The following TAF3 variants were observed in gnomAD, a reference collection of about 807,000 sequenced individuals.
TAF3 encodes transcription initiation factor TFIID subunit 3.
A neutral mutation model predicts 80.6 loss-of-function variants in TAF3; 7 were observed. The observed-to-expected ratio is 0.09, with a 90% CI of 0.05 to 0.16. TAF3 has a LOEUF of 0.16. TAF3 is among the 10% of genes least tolerant of loss of function. The pLI, the probability that TAF3 is intolerant of heterozygous loss-of-function variation, is 1.00. For synonymous variants in TAF3, 444 were observed against 446.1 expected (o/e 1.00, Z 0.06); for missense variants, 921 against 1,140.2 (o/e 0.81, Z 2.77).
At chr10:7,973,861 G>C (rs1831644150) in intron 3 of TAF3, among the ~76,000 whole-genome samples, 1 of 152,132 alleles carries the variant, frequency 6.6e-6, no homozygotes, top group South Asian at 2.1e-4. Context: ...CAGGCACGGT[G>C]GCTCACGCCT....
chr10:7,930,920 T>C (rs1837862725), intron 2 of TAF3, among the ~76,000 whole-genome samples: 1 of 152,116 alleles, frequency 6.6e-6, no homozygotes, highest in Non-Finnish European at 1.5e-5. Flanking sequence ...AGGAAAAGGA[T>C]CTTTATAAGT....
chr10:7,937,431 T>C (rs1027520724), intron 2 of TAF3, among the ~76,000 whole-genome samples: 1 of 152,214 alleles, frequency 6.6e-6, no homozygotes, highest in African/African-American at 2.4e-5. Context: ...CCTAATAACA[T>C]ATAATGTGGA....
chr10:7,841,074 CTCCTGACCTCAGGTGA>C (rs1226871829), intron 2 of TAF3, among the ~76,000 whole-genome samples: 1 of 152,162 alleles, frequency 6.6e-6, no homozygotes, highest in Non-Finnish European at 1.5e-5. Flanking sequence ...TGGTCTGGAA[CTCCTGACCTCAGGTGA>C]TCCGCCCACC....
intron 4 of TAF3, among the ~76,000 whole-genome samples, chr10:7,999,458 GTT>G (rs372902098): frequency 2.3e-5 from 3 of 133,080 alleles, no homozygotes; most frequent in Non-Finnish European, 3.2e-5. Flanking sequence ...AAAGAAAGAA[GTT>G]TTTTTTTTTT....
At chr10:7,939,509 G>A (rs1269009045) in intron 2 of TAF3, among the ~76,000 whole-genome samples, 5 of 150,996 alleles carry the variant, frequency 3.3e-5, no homozygotes, top group East Asian at 3.9e-4. Flanking sequence ...AGAAATGAAA[G>A]GTATCCCACA....
rs2131092496 is a variant in TAF3, at chr10:7,818,511, A to G, written c.-199A>G. 2.0e-6 allele frequency: 1 copy of G among 500,454 alleles called. No individual in the cohort carries two copies. The highest frequency in any genetic ancestry group is 3.4e-6 in the Non-Finnish European group (1 of 290,088). 31.0% of individuals were successfully genotyped at this position (500,454 alleles called of 1,614,324 possible). ...CTCGCCCCGGCGGCCGTCCAGCGGG[A>G]GGCGGAGCGAGTCCAAAATGGCGGC... On this transcript the variant is annotated 5_prime_UTR_variant, in exon 1 of 7. Coordinates refer to ENST00000344293, the MANE Select transcript of TAF3 (RefSeq NM_031923.4).
chr10:7,826,619 C>T (rs1836744652), intron 2 of TAF3, among the ~76,000 whole-genome samples: 1 of 152,106 alleles, frequency 6.6e-6, no homozygotes, highest in African/African-American at 2.4e-5. Context: ...ATCTTGAGAA[C>T]ACTACTTTTC....
At chr10:7,828,757 G>C (rs928947862) in intron 2 of TAF3, among the ~76,000 whole-genome samples, 1 of 151,974 alleles carries the variant, frequency 6.6e-6, no homozygotes, top group African/African-American at 2.4e-5. Flanking sequence ...ATATAGGCTG[G>C]GCGCAGTGGC....
chr10:8,009,407 G>T lies in TAF3; in HGVS notation c.2568+77G>T. ...CAAGTGTGTGCTCTGAATCACTATC[G>T]AATTTCAGACGCATTTCTCTTCAAA... On this transcript the variant is annotated intron_variant, in intron 5 of 6. Transcript: ENST00000344293. This position sits in a 1 kb window ranked among gnomAD's most constrained non-coding sequence, Gnocchi z 4.1. The T allele has an allele frequency of 6.8e-7, 1 of 1,481,330 alleles. No homozygotes were observed. The highest frequency in any genetic ancestry group is 9.0e-7 in the Non-Finnish European group (1 of 1,113,890). The allele number at this position is 1,481,330 out of a possible 1,614,324, so 91.8% of individuals were successfully genotyped here.
chr10:7,912,048 G>T (rs911238294), intron 2 of TAF3, among the ~76,000 whole-genome samples: 1 of 152,076 alleles, frequency 6.6e-6, no homozygotes, highest in Non-Finnish European at 1.5e-5. Flanking sequence ...TTTACTTATT[G>T]CTTTTATGTC....
rs386740622 is a variant in TAF3 at position 7,824,303 on chromosome 10, TTCA to T, written c.167-14_167-12del. 0.19 allele frequency: 300,789 copies of T among 1,592,894 alleles called. 29,346 individuals carry two copies. The highest frequency in any genetic ancestry group is 0.26 in the South Asian group (22,904 of 88,030). On this transcript the variant is annotated splice_polypyrimidine_tract_variant and intron_variant, in intron 1 of 6. Coordinates refer to ENST00000344293, the MANE Select transcript of TAF3 (RefSeq NM_031923.4). ...TTTCTTCAAATAATTTGATTTGCTTTTCACTTTGTTTCAGATGGCCGAACAGAC... is the reference window on the plus strand; with the variant it reads ...TTTCTTCAAATAATTTGATTTGCTTTCTTTGTTTCAGATGGCCGAACAGAC...
At chr10:7,996,842 A>ATTTTTTTT (rs34866346) in intron 4 of TAF3, among the ~76,000 whole-genome samples, 18 of 131,868 alleles carry the variant, frequency 1.4e-4, no homozygotes, top group East Asian at 2.2e-4. Context: ...ACCACACTCT[A>ATTTTTTTT]TTTTTTTTTT....
intron 4 of TAF3, among the ~76,000 whole-genome samples, chr10:7,982,242 G>T (rs960993628): frequency 6.6e-6 from 1 of 152,048 alleles, no homozygotes; most frequent in Admixed American, 6.5e-5. Flanking sequence ...GGAAAGTAAA[G>T]AGAGTATATA....
At chr10:8,004,286 G>A (rs1193323488) in intron 4 of TAF3, among the ~76,000 whole-genome samples, 2 of 152,124 alleles carry the variant, frequency 1.3e-5, no homozygotes, top group Admixed American at 6.5e-5. Flanking sequence ...GGCCTCAAGC[G>A]ATCCACCCAC....
At chr10:7,939,103 A>T (rs997008664) in intron 2 of TAF3, among the ~76,000 whole-genome samples, 1 of 152,138 alleles carries the variant, frequency 6.6e-6, no homozygotes, top group South Asian at 2.1e-4. Flanking sequence ...GTCATCAGGA[A>T]CTCCAGAAGG....
intron 2 of TAF3, among the ~76,000 whole-genome samples, chr10:7,906,490 G>A (rs890365374): frequency 5.3e-5 from 8 of 151,994 alleles, no homozygotes; most frequent in African/African-American, 1.5e-4. Context: ...CTCTTCTTTC[G>A]GAGGAGAAAA....
At chr10:7,889,428 A>T (rs1837439004) in intron 2 of TAF3, among the ~76,000 whole-genome samples, 1 of 152,218 alleles carries the variant, frequency 6.6e-6, no homozygotes, top group South Asian at 2.1e-4. Context: ...TACTATTCAC[A>T]TCTGTCTGTT....
intron 2 of TAF3, among the ~76,000 whole-genome samples, chr10:7,850,641 A>G (rs1349800414): frequency 6.6e-6 from 1 of 151,608 alleles, no homozygotes; most frequent in Non-Finnish European, 1.5e-5. Context: ...GTGCCACTGC[A>G]CTCCAGCCTA....
At chr10:7,826,916 T>C (rs1249128545) in intron 2 of TAF3, among the ~76,000 whole-genome samples, 1 of 152,172 alleles carries the variant, frequency 6.6e-6, no homozygotes, top group Non-Finnish European at 1.5e-5. Flanking sequence ...CAAAGTGAGG[T>C]ACAGAGGTGA....
Sources: gnomAD v4.1 joint callset for allele counts (sites outside exome capture counted in the v4.1 genomes callset) on GRCh38, gnomAD v4.1.1 for gene constraint, Gnocchi (gnomAD v3.1) non-coding constraint, MANE v1.5 for transcripts, NCBI Gene and HGNC (gene_info 2026-07-23, HGNC 2026-07-21) for gene names.